Variants in PRKN observed in about 807,000 individuals in gnomAD.
PRKN encodes the protein parkin RBR E3 ubiquitin protein ligase.
PRKN carries 56 observed loss-of-function variants against 59.5 expected under a neutral mutation model. That is an observed-to-expected ratio of 0.94 (90% CI 0.76 to 1.18). The LOEUF is 1.18. Ranked by LOEUF, PRKN falls within the 50% of genes most tolerant of loss-of-function variation. The pLI, the probability that PRKN is intolerant of heterozygous loss-of-function variation, is 0.00. For missense variants in PRKN, 657 were observed against 596.4 expected (o/e 1.10, Z -1.06); for synonymous variants, 250 against 222.1 (o/e 1.13, Z -1.12).
intron 2 of PRKN, among the ~76,000 whole-genome samples, chr6:162,290,864 A>G (rs1252803903): frequency 6.6e-6 from 1 of 152,188 alleles, no homozygotes; most frequent in Non-Finnish European, 1.5e-5. Flanking sequence ...CAGGATAATC[A>G]CAAAAGGGAT....
intron 4 of PRKN, among the ~76,000 whole-genome samples, chr6:162,091,531 G>C (rs1954930): frequency 0.76 from 116,084 of 152,080 alleles, 44,703 homozygotes; most frequent in African/African-American, 0.87. Flanking sequence ...TACTAGAAAT[G>C]CTTTGCAATT....
At chr6:162,349,922 T>C (rs1784556236) in intron 2 of PRKN, among the ~76,000 whole-genome samples, 1 of 152,178 alleles carries the variant, frequency 6.6e-6, no homozygotes, top group Non-Finnish European at 1.5e-5. Context: ...AAAAACTGTA[T>C]TCCTTCAAAG....
At chr6:162,325,954 T>A (rs1398936250) in intron 2 of PRKN, among the ~76,000 whole-genome samples, 1 of 152,172 alleles carries the variant, frequency 6.6e-6, no homozygotes, top group African/African-American at 2.4e-5. Flanking sequence ...TCATGTCTAA[T>A]GGTGACGGCA....
intron 9 of PRKN, among the ~76,000 whole-genome samples, chr6:161,516,344 G>A (rs1778586789): frequency 6.6e-6 from 1 of 151,706 alleles, no homozygotes; most frequent in African/African-American, 2.4e-5. Flanking sequence ...GCGGGTGCCT[G>A]TAATTCCAGC....
intron 1 of PRKN, among the ~76,000 whole-genome samples, chr6:162,673,454 T>C (rs1779411599): frequency 6.6e-6 from 1 of 152,206 alleles, no homozygotes; most frequent in Non-Finnish European, 1.5e-5. Flanking sequence ...GGCAGGATCT[T>C]GGCTCACTGC....
intron 3 of PRKN, among the ~76,000 whole-genome samples, chr6:162,216,402 C>T (rs1002581235): frequency 1.1e-4 from 17 of 151,014 alleles, no homozygotes; most frequent in Admixed American, 2.6e-4. Flanking sequence ...CGGTGGCGGG[C>T]GCCTGTAGTC....
chr6:162,258,685 AACTGG>A (rs1210325249), intron 3 of PRKN, among the ~76,000 whole-genome samples: 2 of 152,340 alleles, frequency 1.3e-5, no homozygotes, highest in Admixed American at 6.5e-5. Context: ...ATCCAAGGCC[AACTGG>A]TCTGGGCCCA....
intron 9 of PRKN, among the ~76,000 whole-genome samples, chr6:161,491,321 T>A (rs1373549098): frequency 2.0e-5 from 3 of 152,220 alleles, no homozygotes; most frequent in Non-Finnish European, 4.4e-5. Flanking sequence ...TCTCGATTGC[T>A]CTGTGAACCA....
chr6:161,830,576 G>A (rs959030246), intron 6 of PRKN, among the ~76,000 whole-genome samples: 4 of 152,096 alleles, frequency 2.6e-5, no homozygotes, highest in Non-Finnish European at 5.9e-5. Flanking sequence ...TAATAACAAG[G>A]TGTCACTGGG....
chr6:161,524,718 A>G (rs1031314747), intron 9 of PRKN, among the ~76,000 whole-genome samples: 1 of 152,138 alleles, frequency 6.6e-6, no homozygotes, highest in African/African-American at 2.4e-5. Context: ...TCAAATACTA[A>G]ACAAAAAATG....
intron 6 of PRKN, among the ~76,000 whole-genome samples, chr6:161,946,414 A>ACACACACACACACACACACTCT (rs1247187053): frequency 7.5e-4 from 86 of 114,444 alleles, no homozygotes; most frequent in Admixed American, 1.3e-3. Context: ...ACACACACAC[A>ACACACACACACACACACACTCT]CTCTCTCTCT....
At chr6:161,840,203 G>A (rs569025945) in intron 6 of PRKN, among the ~76,000 whole-genome samples, 93 of 152,328 alleles carry the variant, frequency 6.1e-4, no homozygotes, top group African/African-American at 2.2e-3. Flanking sequence ...GGACCAAATG[G>A]CAAGTGCAGA....
intron 7 of PRKN, among the ~76,000 whole-genome samples, chr6:161,664,362 C>T (rs536032553): frequency 6.6e-6 from 1 of 152,308 alleles, no homozygotes; most frequent in South Asian, 2.1e-4. Context: ...CAAGGATGTT[C>T]AATTTGTTCT....
chr6:162,021,730 G>A (rs1783210488), intron 5 of PRKN, among the ~76,000 whole-genome samples: 1 of 152,044 alleles, frequency 6.6e-6, no homozygotes, highest in South Asian at 2.1e-4. Context: ...TGGTACATGT[G>A]CAGTTTTGTA....
At chr6:162,593,565 G>A (rs1352977565) in intron 1 of PRKN, among the ~76,000 whole-genome samples, 1 of 152,074 alleles carries the variant, frequency 6.6e-6, no homozygotes, top group Non-Finnish European at 1.5e-5. Flanking sequence ...AGCAAACAAA[G>A]GGCCTATTTT....
intron 4 of PRKN, among the ~76,000 whole-genome samples, chr6:162,193,049 A>C (rs1418779008): frequency 1.3e-5 from 2 of 152,170 alleles, no homozygotes; most frequent in African/African-American, 4.8e-5. Context: ...AACAAAAAAC[A>C]GTTATCATTA....
At chr6:162,138,262 G>A (rs1250070606) in intron 4 of PRKN, among the ~76,000 whole-genome samples, 3 of 152,168 alleles carry the variant, frequency 2.0e-5, no homozygotes, top group Non-Finnish European at 4.4e-5. Flanking sequence ...CAGACAGAGT[G>A]GAGAGACCTT....
intron 1 of PRKN, among the ~76,000 whole-genome samples, chr6:162,488,041 T>TG (rs1562324017): frequency 8.0e-5 from 12 of 150,768 alleles, no homozygotes; most frequent in African/African-American, 2.7e-4. Flanking sequence ...TTTTTTTTTT[T>TG]TTTTTTTTTT....
Position 161,588,686 on chromosome 6 carries a change from C to G in PRKN, c.872-19270G>C, listed in dbSNP as rs1026195152. On this transcript the variant is annotated intron_variant, in intron 7 of 11. Transcript: ENST00000366898. The surrounding 1 kb of genome is among the most constrained non-coding windows in gnomAD (Gnocchi z 5.0). ...GTTCTGAGTTTCCCAGCAATCAGAA[C>G]AAAGAGGGCACCACAATCCCTAGAA... Among the ~76,000 whole-genome samples the G allele has an allele frequency of 8.6e-5, 13 of 152,014 alleles. No individual in the cohort carries two copies. The highest frequency in any genetic ancestry group is 3.1e-4 in the African/African-American group (13 of 41,408).
Sources: allele counts gnomAD v4.1 joint callset (sites outside exome capture counted in the v4.1 genomes callset), GRCh38; gene constraint gnomAD v4.1.1; non-coding constraint Gnocchi (gnomAD v3.1); transcripts MANE v1.5; gene names NCBI Gene and HGNC (gene_info 2026-07-23, HGNC 2026-07-21).